The following PCDH15 variants were observed in gnomAD, a reference collection of about 807,000 sequenced individuals.
The protein encoded by PCDH15 is protocadherin-15.
Under a neutral mutation model 178.5 loss-of-function variants are expected in PCDH15, and 129 were observed. That is an observed-to-expected ratio of 0.72 (90% confidence interval 0.63 to 0.84). The LOEUF (loss-of-function observed/expected upper bound fraction) is 0.84. Ranked by LOEUF, PCDH15 falls within the 40% of genes least tolerant of loss-of-function variation. The pLI is 0.00. For synonymous variants in PCDH15, 800 were observed against 732.0 expected (o/e 1.09, Z -1.50); for missense variants, 2,230 against 2,099.9 (o/e 1.06, Z -1.21).
intron 21 of PCDH15, among the ~76,000 whole-genome samples, chr10:53,971,466 G>T (rs1426531032): frequency 6.6e-6 from 1 of 152,134 alleles, no homozygotes; most frequent in East Asian, 1.9e-4. Context: ...AGAAATAAAT[G>T]ATATTCAATT....
chr10:54,268,586 A>G (rs2057845756), intron 8 of PCDH15, among the ~76,000 whole-genome samples: 1 of 151,972 alleles, frequency 6.6e-6, no homozygotes, highest in Non-Finnish European at 1.5e-5. Context: ...ATCCAGAAGA[A>G]AGAATGAAAT....
chr10:54,857,924 T>C (rs1953769433), intron 3 of PCDH15, among the ~76,000 whole-genome samples: 1 of 152,194 alleles, frequency 6.6e-6, no homozygotes. Context: ...CATAAGCTAA[T>C]TAACATATAT....
At position 55,558,929 on chromosome 10, in the gene PCDH15, T is replaced by C. The variant is rs79822599; in HGVS notation, c.-156+68696A>G. 4.6e-3 allele frequency among the ~76,000 whole-genome samples: 701 copies of C among 152,234 alleles called. 6 individuals are homozygous for C. Among genetic ancestry groups the C allele is most frequent in the African/African-American group, 0.016 (668 of 41,552 alleles). ...CGTGAAAAAATATTATTGGTATAAA[T>C]AAATCATCACAAAGTGAAAACATTT... On this transcript the variant is annotated intron_variant, in intron 2 of 5. Coordinates refer to the PCDH15 transcript ENST00000613346.
At chr10:54,146,080 C>T (rs1183987789) in intron 14 of PCDH15, among the ~76,000 whole-genome samples, 3 of 151,736 alleles carry the variant, frequency 2.0e-5, no homozygotes, top group Non-Finnish European at 4.4e-5. Flanking sequence ...CCCCAAGAGA[C>T]TAATATTTGT....
chr10:55,074,541 A>G (rs763394002), intron 2 of PCDH15, among the ~76,000 whole-genome samples: 11 of 152,010 alleles, frequency 7.2e-5, no homozygotes, highest in Non-Finnish European at 1.3e-4. Context: ...ATGTCCTTTG[A>G]TCACTTTTTA....
Position 54,332,034 on chromosome 10 carries a change from G to T in PCDH15, c.595-2328C>A, listed in dbSNP as rs909093079. On this transcript the variant is annotated intron_variant, in intron 6 of 37. Transcript: ENST00000644397. ...AAATTTAGAACTTCAGCAGCCATTT[G>T]GGGACTATTGATAAAATTAATTACG... Among the ~76,000 whole-genome samples, 15 of 151,046 alleles carry T rather than the reference G, an allele frequency of 9.9e-5. 1 individual carries two copies. Among genetic ancestry groups the T allele is most frequent in the African/African-American group, 3.4e-4 (14 of 41,252 alleles).
intron 32 of PCDH15, chr10:53,821,528 A>G (rs1564528758): frequency 1.9e-6 from 2 of 1,070,100 alleles, no homozygotes; most frequent in African/African-American, 3.3e-5. Context: ...CTGCATCCAC[A>G]TGATAGACAT....
intron 2 of PCDH15, among the ~76,000 whole-genome samples, chr10:54,532,264 C>T (rs966205817): frequency 1.3e-5 from 2 of 152,094 alleles, no homozygotes; most frequent in African/African-American, 4.8e-5. Flanking sequence ...CCATCTACAA[C>T]TCATCACAAA....
chr10:54,147,697 A>G (rs1406114361), intron 14 of PCDH15, among the ~76,000 whole-genome samples: 2 of 151,952 alleles, frequency 1.3e-5, no homozygotes, highest in African/African-American at 4.8e-5. Context: ...CTAATAAATT[A>G]AAAGTCTTGA....
chr10:54,693,214 T>C (rs1424286775), intron 1 of PCDH15, among the ~76,000 whole-genome samples: 1 of 152,010 alleles, frequency 6.6e-6, no homozygotes, highest in African/African-American at 2.4e-5. Flanking sequence ...ACCCTTCTCT[T>C]TTTACACCGA....
At chr10:54,871,829 C>T (rs1954046384) in intron 3 of PCDH15, among the ~76,000 whole-genome samples, 1 of 152,090 alleles carries the variant, frequency 6.6e-6, no homozygotes, top group South Asian at 2.1e-4. Flanking sequence ...TACTCCAACT[C>T]ACATACATCC....
chr10:55,025,466 T>G (rs569140466), intron 2 of PCDH15, among the ~76,000 whole-genome samples: 1 of 152,272 alleles, frequency 6.6e-6, no homozygotes, highest in South Asian at 2.1e-4. Flanking sequence ...CCTCATCTAT[T>G]TACAGCCATT....
chr10:54,355,776 G>T (rs548404760), intron 5 of PCDH15, among the ~76,000 whole-genome samples: 1 of 152,130 alleles, frequency 6.6e-6, no homozygotes, highest in Admixed American at 6.5e-5. Context: ...TTCTCAGCAA[G>T]CAAATTATTT....
chr10:55,212,751 A>G (rs1840602358), intron 1 of PCDH15, among the ~76,000 whole-genome samples: 1 of 152,060 alleles, frequency 6.6e-6, no homozygotes. Context: ...TTCTTCAACA[A>G]CAGGTTAAGA....
chr10:54,502,675 C>A (rs2080806080), intron 3 of PCDH15, among the ~76,000 whole-genome samples: 1 of 151,788 alleles, frequency 6.6e-6, no homozygotes, highest in East Asian at 1.9e-4. Flanking sequence ...TCAGAGTAAC[C>A]CATAAAGATA....
chr10:55,523,120 T>C (rs1223786951), intron 2 of PCDH15, among the ~76,000 whole-genome samples: 1 of 151,504 alleles, frequency 6.6e-6, no homozygotes, highest in African/African-American at 2.4e-5. Context: ...GATCCTTTTT[T>C]GGGATCCATT....
chr10:54,083,767 T>A (rs61858409), intron 16 of PCDH15, among the ~76,000 whole-genome samples: 10,394 of 152,202 alleles, frequency 0.068, 473 homozygotes, highest in East Asian at 0.24. Flanking sequence ...TTAAAATGGT[T>A]AATTTTGTGC....
chr10:54,433,493 T>C (rs1339112073), intron 3 of PCDH15, among the ~76,000 whole-genome samples: 1 of 152,116 alleles, frequency 6.6e-6, no homozygotes, highest in African/African-American at 2.4e-5. Context: ...CTCACTTATT[T>C]GTGGGATCTA....
intron 18 of PCDH15, among the ~76,000 whole-genome samples, chr10:54,047,173 GA>G (rs2093672655): frequency 6.6e-6 from 1 of 152,046 alleles, no homozygotes; most frequent in Non-Finnish European, 1.5e-5. Context: ...TGGGGAAATG[GA>G]AAACACAATT....
Sources: gnomAD v4.1 joint callset for allele counts (sites outside exome capture counted in the v4.1 genomes callset) on GRCh38, gnomAD v4.1.1 for gene constraint, MANE v1.5 for transcripts, NCBI Gene and HGNC (gene_info 2026-07-23, HGNC 2026-07-21) for gene names.